The following RERE variants were observed in gnomAD, a reference collection of about 807,000 sequenced individuals.
RERE encodes arginine-glutamic acid dipeptide repeats, also known as arginine-glutamic acid dipeptide repeats protein.
A neutral mutation model predicts 146.1 loss-of-function variants in RERE; 40 were observed. The ratio of observed to expected loss-of-function variants is 0.27; its 90% CI spans 0.21 to 0.36. RERE has a LOEUF of 0.36. Ranked by LOEUF, RERE falls within the 10% of genes least tolerant of loss-of-function variation. The pLI is 1.00. For missense variants in RERE, 1,933 were observed against 2,138.7 expected (o/e 0.90, Z 1.90); for synonymous variants, 1,003 against 866.0 (o/e 1.16, Z -2.78).
chr1:8,809,137 T>TAAAA (rs58263107), intron 1 of RERE, among the ~76,000 whole-genome samples: 2 of 95,068 alleles, frequency 2.1e-5, no homozygotes, highest in African/African-American at 4.6e-5. Context: ...GACTTTGTCT[T>TAAAA]AAAAAAAAAA....
At chr1:8,479,598 G>C (rs1268896829) in intron 10 of RERE, among the ~76,000 whole-genome samples, 2 of 152,324 alleles carry the variant, frequency 1.3e-5, no homozygotes, top group East Asian at 3.9e-4. Flanking sequence ...ACACACAGAA[G>C]AGAAGGCAGC....
Position 8,362,832 on chromosome 1 carries a change from G to A in RERE, c.1753C>T (p.Arg585Cys), listed in dbSNP as rs1359424164. The A allele has an allele frequency of 1.7e-5, 28 of 1,612,450 alleles. No homozygotes were observed. Among genetic ancestry groups the A allele is most frequent in the Non-Finnish European group, 2.4e-5 (28 of 1,179,154 alleles). Reference protein sequence around the residue: ...RRSRGSMSTLRSGRKKQPASP... With the variant: ...RRSRGSMSTLCSGRKKQPASP... ...GCTGGCTGCTTCTTCCGACCACTGC[G>A]TAGTGTCGACATCTGCCCACCCAAA... The change falls in exon 16 of 23, where the codon CGC (arginine) becomes TGC (cysteine). Residue 585 changes from arginine to cysteine, a missense_variant. Around this residue, in one of 11 missense-constraint regions of RERE, gnomAD observed 1,255 missense variants for 1,153.8 expected, o/e 1.09. Coordinates refer to ENST00000400908, the MANE Select transcript of RERE (RefSeq NM_001042681.2).
intron 1 of RERE, among the ~76,000 whole-genome samples, chr1:8,712,955 A>C (rs1302868223): frequency 6.6e-6 from 1 of 152,218 alleles, no homozygotes; most frequent in African/African-American, 2.4e-5. Context: ...GTCAGCTGCT[A>C]TGGAGGACTA....
intron 12 of RERE, among the ~76,000 whole-genome samples, chr1:8,378,626 C>G (rs1317324820): frequency 2.0e-5 from 3 of 152,174 alleles, no homozygotes; most frequent in Non-Finnish European, 4.4e-5. Context: ...CATCTACAGC[C>G]AAGGTGAGAG....
intron 11 of RERE, among the ~76,000 whole-genome samples, chr1:8,437,753 C>T (rs1046996670): frequency 6.6e-6 from 1 of 152,174 alleles, no homozygotes; most frequent in Non-Finnish European, 1.5e-5. Context: ...TTTACATACA[C>T]AGCTGGATAC....
At chr1:8,497,590 CA>C (rs1405638162) in intron 8 of RERE, 61 bp from the exon 9 acceptor site, 1 of 1,572,318 alleles carries the variant, frequency 6.4e-7, no homozygotes, top group African/African-American at 1.4e-5. Flanking sequence ...AGAGCTATCT[CA>C]ATAAGCAGTC....
At chr1:8,735,866 G>A (rs981343816) in intron 1 of RERE, among the ~76,000 whole-genome samples, 1 of 151,976 alleles carries the variant, frequency 6.6e-6, no homozygotes, top group African/African-American at 2.4e-5. Context: ...TTCCTGTACA[G>A]CCTGCAGTAC....
At chr1:8,587,369 G>A (rs1486965628) in intron 4 of RERE, among the ~76,000 whole-genome samples, 1 of 152,178 alleles carries the variant, frequency 6.6e-6, no homozygotes, top group Non-Finnish European at 1.5e-5. Context: ...CAGCCCCAGT[G>A]CATCTAATAA....
At chr1:8,491,209 G>C (rs983628711) in intron 10 of RERE, among the ~76,000 whole-genome samples, 2 of 148,472 alleles carry the variant, frequency 1.3e-5, no homozygotes, top group African/African-American at 2.6e-5. Context: ...GGGAGGCCAA[G>C]GCAGGTGAAT....
At position 8,774,731 on chromosome 1, in the gene RERE, T is replaced by C. The variant is rs537584629; in HGVS notation, c.-145+42429A>G. The stretch of plus-strand genomic sequence containing the variant: ...CCTAAAAGAATCAAACAAGAATTAA[T>C]AGTCTATTATACAGAATAAAACCAT... On this transcript the variant is annotated intron_variant, in intron 1 of 22. Transcript: ENST00000400908. 1.9e-3 allele frequency among the ~76,000 whole-genome samples: 274 copies of C among 144,664 alleles called. 3 individuals carry two copies. Among genetic ancestry groups the C allele is most frequent in the Non-Finnish European group, 1.2e-3 (78 of 65,394 alleles). 94.9% of individuals were successfully genotyped at this position (144,664 alleles called of 152,430 possible). A position where few individuals can be genotyped will look rare whatever the true frequency, so the allele number is the denominator to read the frequency against.
At chr1:8,456,136 CCT>C (rs1176784109) in intron 11 of RERE, among the ~76,000 whole-genome samples, 1 of 152,160 alleles carries the variant, frequency 6.6e-6, no homozygotes, top group Non-Finnish European at 1.5e-5. Context: ...GGGACTCTCC[CCT>C]GAGCTGAGTC....
intron 6 of RERE, among the ~76,000 whole-genome samples, chr1:8,554,400 G>A (rs1645978920): frequency 6.6e-6 from 1 of 151,884 alleles, no homozygotes. Flanking sequence ...AGTATTCCAG[G>A]ATTTGGCTGA....
At chr1:8,537,153 C>A (rs1214807035) in intron 7 of RERE, among the ~76,000 whole-genome samples, 1 of 152,104 alleles carries the variant, frequency 6.6e-6, no homozygotes, top group African/African-American at 2.4e-5. Context: ...GTGGTGAGCC[C>A]TGATCACGCC....
chr1:8,703,770 C>T (rs947285444), intron 1 of RERE, among the ~76,000 whole-genome samples: 4 of 152,194 alleles, frequency 2.6e-5, no homozygotes, highest in African/African-American at 9.6e-5. Flanking sequence ...TAATGCCAAC[C>T]ACCTCTGACG....
chr1:8,638,402 T>A (rs556494019), intron 2 of RERE, among the ~76,000 whole-genome samples: 1 of 152,214 alleles, frequency 6.6e-6, no homozygotes, highest in Non-Finnish European at 1.5e-5. Flanking sequence ...CATTTGACAT[T>A]TGATGAACTG....
chr1:8,606,261 A>C (rs1646707494), intron 4 of RERE, among the ~76,000 whole-genome samples: 1 of 152,194 alleles, frequency 6.6e-6, no homozygotes, highest in Non-Finnish European at 1.5e-5. Flanking sequence ...TCTATTTTCA[A>C]GATTTAAAAA....
intron 7 of RERE, among the ~76,000 whole-genome samples, chr1:8,525,591 T>G (rs1371847697): frequency 1.3e-5 from 2 of 152,212 alleles, no homozygotes; most frequent in African/African-American, 4.8e-5. Context: ...CATTCTTAGT[T>G]CTGATTTTAC....
rs1641592700 is a variant in RERE, at chr1:8,361,815, GCCA to G, written c.1961_1963del (p.Val654del). The stretch of plus-strand genomic sequence containing the variant: ...CCTGTCAGCCTCCTCCGTATCAGAG[GCCA>G]CCTTCTCCCGCTGGCGTTTGTTACT... On this transcript the variant is annotated inframe_deletion, in exon 17 of 23. Transcript: ENST00000400908. 3.1e-6 allele frequency: 5 copies of G among 1,614,110 alleles called. No homozygotes were observed. The East Asian group carries it at 1.1e-4, about 36-fold the overall frequency.
chr1:8,662,752 G>C (rs1470747834), intron 1 of RERE, among the ~76,000 whole-genome samples: 1 of 151,960 alleles, frequency 6.6e-6, no homozygotes, highest in Non-Finnish European at 1.5e-5. Flanking sequence ...TTAAGGAAGG[G>C]GCCCAGGACA....
Sources: gnomAD v4.1 joint callset for allele counts (sites outside exome capture counted in the v4.1 genomes callset) on GRCh38, gnomAD v4.1.1 for gene constraint, gnomAD v4.1.1 regional missense constraint, MANE v1.5 for transcripts, NCBI Gene and HGNC (gene_info 2026-07-23, HGNC 2026-07-21) for gene names.